VTI1A: variants seen among roughly 807,000 people sequenced by gnomAD.
The protein encoded by VTI1A is vesicle transport through interaction with t-SNAREs 1A.
Under a neutral mutation model 34.9 loss-of-function variants are expected in VTI1A, and 22 were observed. The ratio of observed to expected loss-of-function variants is 0.63; its 90% CI spans 0.45 to 0.90. The LOEUF (loss-of-function observed/expected upper bound fraction) is 0.90, where lower values mean the gene tolerates loss of function less well. VTI1A is among the 40% of genes least tolerant of loss of function. The pLI, the probability that VTI1A is intolerant of heterozygous loss-of-function variation, is 0.00. For missense variants in VTI1A, 268 were observed against 275.6 expected, an observed-to-expected ratio of 0.97 and a Z score of 0.20; for synonymous variants, 87 against 97.3, an observed-to-expected ratio of 0.89 and a Z score of 0.62.
intron 1 of VTI1A, among the ~76,000 whole-genome samples, chr10:112,459,639 A>G (rs2134038841): frequency 6.6e-6 from 1 of 152,304 alleles, no homozygotes; most frequent in East Asian, 1.9e-4. Flanking sequence ...GAAGCATGCT[A>G]GGCAGACAAA....
At chr10:112,718,000 G>A (rs1255511672) in intron 7 of VTI1A, among the ~76,000 whole-genome samples, 1 of 152,048 alleles carries the variant, frequency 6.6e-6, no homozygotes, top group Non-Finnish European at 1.5e-5. Flanking sequence ...AAAATCCAAG[G>A]CCTCAGTGCA....
intron 5 of VTI1A, among the ~76,000 whole-genome samples, chr10:112,648,465 A>G (rs750945916): frequency 5.3e-5 from 8 of 152,150 alleles, no homozygotes; most frequent in Non-Finnish European, 1.2e-4. Context: ...AGTGCACCAG[A>G]CTCTAAAATG....
At chr10:112,511,550 A>AT (rs925783367) in intron 3 of VTI1A, among the ~76,000 whole-genome samples, 32 of 152,082 alleles carry the variant, frequency 2.1e-4, no homozygotes, top group Middle Eastern at 3.4e-3. Flanking sequence ...CTCATGTGAG[A>AT]TTTTTTACAT....
intron 7 of VTI1A, among the ~76,000 whole-genome samples, chr10:112,712,602 A>T (rs1179972854): frequency 6.6e-6 from 1 of 152,092 alleles, no homozygotes; most frequent in Non-Finnish European, 1.5e-5. Context: ...GGGGCGTGAA[A>T]CTAAGAGAGG....
intron 3 of VTI1A, among the ~76,000 whole-genome samples, chr10:112,499,966 C>T (rs141434318): frequency 6.6e-6 from 1 of 152,182 alleles, no homozygotes; most frequent in African/African-American, 2.4e-5. Context: ...GTCCTCCTGT[C>T]TGTTTTCCAC....
chr10:112,737,971 C>T, intron 7 of VTI1A: 11 of 852,954 alleles, frequency 1.3e-5, no homozygotes, highest in Non-Finnish European at 1.6e-5. Context: ...GGGCCTCCTG[C>T]AAGTCCTCCG....
Position 112,459,462 on chromosome 10 carries a change from G to A in VTI1A, c.95-1062G>A, listed in dbSNP as rs532795169. Among the ~76,000 whole-genome samples the A allele has an allele frequency of 2.0e-5, 3 of 152,316 alleles. No individual in the cohort carries two copies. In the South Asian group the frequency reaches 6.2e-4, roughly 32 times the overall value. On this transcript the variant is annotated intron_variant, in intron 1 of 7. Transcript: ENST00000393077. ...ACCGCCCAACTCCCAGATGAATGTGGCCAGAGGATTGAGTTACTGAGATTA... is the reference window on the plus strand; with the variant it reads ...ACCGCCCAACTCCCAGATGAATGTGACCAGAGGATTGAGTTACTGAGATTA...
In VTI1A at chr10:112,663,138, G is replaced by A. The variant is rs567881068; in HGVS notation, c.428-5080G>A. Among the ~76,000 whole-genome samples the A allele has an allele frequency of 2.6e-5, 4 of 152,240 alleles. No homozygotes were observed. In the South Asian group the frequency reaches 8.3e-4, roughly 32 times the overall value. On this transcript the variant is annotated intron_variant, in intron 5 of 7. Coordinates refer to ENST00000393077, the MANE Select transcript of VTI1A (RefSeq NM_145206.4). ...TCTTATTTGGCAAATTTGAAGATTT[G>A]GGGAGAAATATCAGACCAAGCAATT...
intron 7 of VTI1A, among the ~76,000 whole-genome samples, chr10:112,741,531 C>G (rs772422552): frequency 6.6e-6 from 1 of 152,122 alleles, no homozygotes; most frequent in Non-Finnish European, 1.5e-5. Flanking sequence ...GATGATTGTA[C>G]AACTCAGTGA....
the VTI1A span, among the ~76,000 whole-genome samples, chr10:112,830,449 G>C: frequency 6.6e-6 from 1 of 151,136 alleles, no homozygotes; most frequent in Admixed American, 6.6e-5. Flanking sequence ...TACCTGCCCT[G>C]TCTCAGGTTA....
chr10:112,495,254 T>A (rs1040672092), intron 3 of VTI1A, among the ~76,000 whole-genome samples: 1 of 151,246 alleles, frequency 6.6e-6, no homozygotes, highest in Non-Finnish European at 1.5e-5. Flanking sequence ...AAATTTTTAT[T>A]TGAAAGCTTT....
At chr10:112,657,043 G>A (rs905673566) in intron 5 of VTI1A, among the ~76,000 whole-genome samples, 12 of 151,996 alleles carry the variant, frequency 7.9e-5, no homozygotes, top group Non-Finnish European at 1.2e-4. Context: ...TTCGCTTTCC[G>A]TCATGACTGA....
chr10:112,692,685 A>G (rs1848649711), intron 7 of VTI1A, among the ~76,000 whole-genome samples: 1 of 152,174 alleles, frequency 6.6e-6, no homozygotes, highest in Admixed American at 6.5e-5. Context: ...CCATGGTTTT[A>G]ATGTGCTAGC....
chr10:112,665,682 C>T (rs917887053), intron 5 of VTI1A, among the ~76,000 whole-genome samples: 1 of 152,098 alleles, frequency 6.6e-6, no homozygotes, highest in Non-Finnish European at 1.5e-5. Flanking sequence ...GTTTTCCCCT[C>T]GGCGAACCTG....
intron 5 of VTI1A, among the ~76,000 whole-genome samples, chr10:112,640,326 G>A (rs1846519832): frequency 6.6e-6 from 1 of 151,906 alleles, no homozygotes; most frequent in African/African-American, 2.4e-5. Context: ...GTAAAACATG[G>A]GTGTTTAAAA....
At chr10:112,668,400 G>A (rs985861969) in intron 6 of VTI1A, 112 bp downstream of exon 6, 62 of 1,159,938 alleles carry the variant, frequency 5.3e-5, no homozygotes, top group Non-Finnish European at 2.0e-5. Context: ...TAAGGTGAAA[G>A]AGGGTATAAG....
chr10:112,646,522 G>A (rs941168881), intron 5 of VTI1A, among the ~76,000 whole-genome samples: 3 of 151,414 alleles, frequency 2.0e-5, no homozygotes, highest in African/African-American at 4.9e-5. Flanking sequence ...AGAGTACCAT[G>A]TTCTTTTTTT....
chr10:112,742,462 G>T (rs1217587803), intron 7 of VTI1A, among the ~76,000 whole-genome samples: 2 of 152,204 alleles, frequency 1.3e-5, no homozygotes, highest in Non-Finnish European at 2.9e-5. Flanking sequence ...AGATGTGGTT[G>T]TATCCCTAGG....
chr10:112,583,874 TA>T (rs543339652), intron 5 of VTI1A, among the ~76,000 whole-genome samples: 3 of 152,210 alleles, frequency 2.0e-5, no homozygotes, highest in Non-Finnish European at 4.4e-5. Flanking sequence ...TTTCAGCTCT[TA>T]AAGTGACAGA....
Sources: gnomAD v4.1 joint callset for allele counts (sites outside exome capture counted in the v4.1 genomes callset) on GRCh38, gnomAD v4.1.1 for gene constraint, MANE v1.5 for transcripts, NCBI Gene and HGNC (gene_info 2026-07-23, HGNC 2026-07-21) for gene names.